Variants in CTNNA3 observed in about 807,000 individuals in gnomAD.
CTNNA3 encodes the protein catenin alpha 3, also known as catenin alpha-3.
CTNNA3 carries 76 observed loss-of-function variants against 95.7 expected under a neutral mutation model. The observed-to-expected ratio is 0.79, with a 90% CI of 0.66 to 0.96. The LOEUF is 0.96. CTNNA3 is among the 40% of genes least tolerant of loss of function. The probability of loss-of-function intolerance (pLI) is 0.00; values close to 1 mark genes in which losing one functional copy is unlikely to be tolerated. For synonymous variants in CTNNA3, 431 were observed against 374.4 expected (o/e 1.15, Z -1.74); for missense variants, 1,191 against 1,089.8 (o/e 1.09, Z -1.31).
intron 2 of CTNNA3, among the ~76,000 whole-genome samples, chr10:67,618,654 G>C (rs192504256): frequency 1.1e-4 from 16 of 152,250 alleles, no homozygotes; most frequent in Admixed American, 9.2e-4. Context: ...ATGAATATGA[G>C]AGATAATAAA....
chr10:66,109,898 C>T (rs1312233130), intron 13 of CTNNA3, among the ~76,000 whole-genome samples: 7 of 151,342 alleles, frequency 4.6e-5, no homozygotes, highest in Non-Finnish European at 8.8e-5. Context: ...TGCTTGCAGC[C>T]TTTTTTAAAA....
Position 67,521,943 on chromosome 10 carries a change from A to T in CTNNA3, c.478T>A (p.Ser160Thr), listed in dbSNP as rs61749223. 0.024 allele frequency: 39,428 copies of T among 1,612,254 alleles called. 600 individuals carry two copies. The highest frequency in any genetic ancestry group is 0.041 in the South Asian group (3,725 of 90,860). The change falls in exon 5 of 18, where the codon TCT (serine) becomes ACT (threonine). Residue 160 changes from serine to threonine, a missense_variant. Coordinates refer to ENST00000433211, the MANE Select transcript of CTNNA3 (RefSeq NM_013266.4). ...HVSAFQRTFE[S>T]LKNVANKSDL... ...GATTTGTTGGCAACATTTTTGAGAG[A>T]CTCAAATGTCCTTTGAAACTGAAAT...
At position 67,031,180 on chromosome 10, in the gene CTNNA3, C is replaced by T. The variant is rs1853704026; in HGVS notation, c.1047+149137G>A. ...TGTATTATTCCAGGTATAAATAAAA[C>T]CCTCTGATTTATATAAATTGATATA... On this transcript the variant is annotated intron_variant, in intron 7 of 17. Transcript: ENST00000433211. 3.3e-5 allele frequency among the ~76,000 whole-genome samples: 5 copies of T among 152,206 alleles called. No individual in the cohort carries two copies. In the South Asian group the frequency reaches 1.0e-3, roughly 32 times the overall value.
At position 66,427,790 on chromosome 10, in the gene CTNNA3, GC is replaced by G. The variant is rs146922032; in HGVS notation, c.1532-48439del. ...AAAGGAACAACCGGTACCAGCCACT[GC>G]AAAAACACTCCAAATTGTAAAGACC... On this transcript the variant is annotated intron_variant, in intron 11 of 17. Transcript: ENST00000433211. Among the ~76,000 whole-genome samples, 1,992 of 152,210 alleles carry G rather than the reference GC, an allele frequency of 0.013. 178 individuals carry two copies. The East Asian group carries it at 0.24, about 18-fold the overall frequency.
chr10:66,324,322 AAAAC>A (rs887942519), intron 12 of CTNNA3, among the ~76,000 whole-genome samples: 16 of 152,212 alleles, frequency 1.1e-4, no homozygotes, highest in South Asian at 6.2e-4. Context: ...TGCATCTCAA[AAAAC>A]AAACAAACAA....
At chr10:67,744,937 T>C (rs972180731) in intron 1 of CTNNA3, among the ~76,000 whole-genome samples, 5 of 151,802 alleles carry the variant, frequency 3.3e-5, no homozygotes, top group African/African-American at 9.7e-5. Flanking sequence ...ATCAGAGAAA[T>C]GCAAATCAAA....
At chr10:66,150,282 T>A (rs528994617) in intron 13 of CTNNA3, among the ~76,000 whole-genome samples, 11 of 152,286 alleles carry the variant, frequency 7.2e-5, no homozygotes, top group African/African-American at 1.2e-4. Flanking sequence ...ACCATCCATG[T>A]AAGATGTGAC....
chr10:67,188,878 G>T (rs192906936), intron 6 of CTNNA3, among the ~76,000 whole-genome samples: 1 of 152,256 alleles, frequency 6.6e-6, no homozygotes, highest in African/African-American at 2.4e-5. Flanking sequence ...GGGAGGCTGA[G>T]GTGGGTGGCT....
chr10:66,873,359 TTTTG>T lies in CTNNA3; in HGVS notation c.1048-97839_1048-97836del, dbSNP rs1235959621. ...CTGCAGCCTCAACAGCATCTGGTTT[TTTTG>T]TTTGTTTGTTTTTTGTTTTTTTTTT... On this transcript the variant is annotated intron_variant, in intron 7 of 17. Transcript: ENST00000433211. 4.8e-5 allele frequency among the ~76,000 whole-genome samples: 7 copies of T among 144,502 alleles called. No individual in the cohort carries two copies. In the South Asian group the frequency reaches 8.8e-4, roughly 18 times the overall value. The allele number at this position is 144,502 out of a possible 152,430, so 94.8% of individuals were successfully genotyped here.
chr10:67,410,339 C>G (rs891729217), intron 5 of CTNNA3, among the ~76,000 whole-genome samples: 17 of 151,972 alleles, frequency 1.1e-4, no homozygotes, highest in Non-Finnish European at 2.4e-4. Context: ...ACAACACACA[C>G]TGGGTCCTGT....
At chr10:67,183,089 T>A (rs1316694465) in intron 6 of CTNNA3, among the ~76,000 whole-genome samples, 1 of 152,202 alleles carries the variant, frequency 6.6e-6, no homozygotes, top group African/African-American at 2.4e-5. Context: ...ACACTGTTGG[T>A]GGAACTGTAA....
At chr10:66,103,014 G>T in intron 14 of CTNNA3, 143 bp downstream of exon 14, 1 of 667,722 alleles carries the variant, frequency 1.5e-6, no homozygotes. Flanking sequence ...TTCCCTTAAT[G>T]CTAAGGCTTT....
rs375435655 is a variant in CTNNA3, at chr10:66,465,884, A to T, written c.1531+54733T>A. On this transcript the variant is annotated intron_variant, in intron 11 of 17. Coordinates refer to ENST00000433211, the MANE Select transcript of CTNNA3 (RefSeq NM_013266.4). ...AAATCATATAGTTTCACCCAAATAC[A>T]TTATAGATGTGAACAAAATTTATTG... Among the ~76,000 whole-genome samples the T allele has an allele frequency of 3.3e-5, 5 of 152,240 alleles. No individual in the cohort carries two copies. In the South Asian group the frequency reaches 8.3e-4, roughly 25 times the overall value.
At chr10:66,024,085 A>ATCTTTT (rs2079282910) in intron 15 of CTNNA3, among the ~76,000 whole-genome samples, 1 of 87,750 alleles carries the variant, frequency 1.1e-5, no homozygotes, top group Admixed American at 1.7e-4. Flanking sequence ...TACCATACAC[A>ATCTTTT]TTTTTTTTTT....
intron 7 of CTNNA3, among the ~76,000 whole-genome samples, chr10:67,019,446 G>A (rs926131674): frequency 2.6e-5 from 4 of 152,256 alleles, no homozygotes; most frequent in Non-Finnish European, 4.4e-5. Context: ...ACAAACTCCC[G>A]ACCTCAGGTG....
chr10:66,219,046 TGTGGG>T (rs1374964491), intron 13 of CTNNA3, among the ~76,000 whole-genome samples: 2 of 152,222 alleles, frequency 1.3e-5, no homozygotes, highest in Admixed American at 1.3e-4. Flanking sequence ...ATGTTGGTTA[TGTGGG>T]AACAGATAAC....
At chr10:67,336,625 C>T (rs1035313596) in intron 5 of CTNNA3, among the ~76,000 whole-genome samples, 9 of 152,262 alleles carry the variant, frequency 5.9e-5, no homozygotes, top group African/African-American at 1.9e-4. Flanking sequence ...ACTTTCAGAG[C>T]TAGAGAGGAA....
rs890466673 is a variant in CTNNA3 at position 66,462,299 on chromosome 10, C to G, written c.1531+58318G>C. On this transcript the variant is annotated intron_variant, in intron 11 of 17. Coordinates refer to ENST00000433211, the MANE Select transcript of CTNNA3 (RefSeq NM_013266.4). ...TGGGGTGGAAAAGAGGATTCAATAT[C>G]ATGTTACACAATTCTTCATAAGATT... Among the ~76,000 whole-genome samples, 7 of 152,064 alleles carry G rather than the reference C, an allele frequency of 4.6e-5. No homozygotes were observed. In the South Asian group the frequency reaches 1.5e-3, roughly 32 times the overall value.
chr10:67,627,964 G>C (rs1380705604), intron 2 of CTNNA3, among the ~76,000 whole-genome samples: 1 of 151,698 alleles, frequency 6.6e-6, no homozygotes, highest in Admixed American at 6.6e-5. Context: ...ATTTCATATA[G>C]TTCAGAGATT....
Sources: gnomAD v4.1 joint callset for allele counts (sites outside exome capture counted in the v4.1 genomes callset) on GRCh38, gnomAD v4.1.1 for gene constraint, MANE v1.5 for transcripts, NCBI Gene and HGNC (gene_info 2026-07-23, HGNC 2026-07-21) for gene names.